Variants in NRCAM observed in about 807,000 individuals in gnomAD.
NRCAM encodes the protein NgCAM-related cell adhesion molecule.
Under a neutral mutation model 156.5 loss-of-function variants are expected in NRCAM, and 83 were observed. That is an observed-to-expected ratio of 0.53 (90% CI 0.44 to 0.64). NRCAM has a LOEUF of 0.64. Among genes scored for constraint, NRCAM ranks in the 30% least tolerant of loss-of-function variants. The pLI is 0.00. For missense variants in NRCAM, 1,417 were observed against 1,597.3 expected (o/e 0.89, Z 1.92); for synonymous variants, 538 against 563.9 (o/e 0.95, Z 0.65).
Position 108,372,498 on chromosome 7 carries a change from C to A in NRCAM, c.-174+26938G>T, listed in dbSNP as rs926027171. Among the ~76,000 whole-genome samples, 4 of 152,048 alleles carry A rather than the reference C, an allele frequency of 2.6e-5. No individual in the cohort carries two copies. The South Asian group carries it at 8.3e-4, about 32-fold the overall frequency. On this transcript the variant is annotated intron_variant, in intron 2 of 32. Coordinates refer to ENST00000379028, the MANE Select transcript of NRCAM (RefSeq NM_001037132.4). Reference sequence around the variant, plus strand: ...CATCCAAAATAAAGAACTCCTATAACTCAATAGTTTTAAACAAATCTGATT... The same window carrying A: ...CATCCAAAATAAAGAACTCCTATAAATCAATAGTTTTAAACAAATCTGATT...
intron 3 of NRCAM, among the ~76,000 whole-genome samples, chr7:108,293,867 A>C (rs904159460): frequency 1.4e-4 from 21 of 152,182 alleles, no homozygotes; most frequent in Admixed American, 1.3e-3. Context: ...CAGGTCTTCT[A>C]ATTTTAAACT....
rs753561632 is a variant in NRCAM, at chr7:108,294,842, GCCCCGC to G, written c.-107+17817_-107+17822del. ...TGGACATGCTTAGTTTATACTTCCT[GCCCCGC>G]AGCCATCTCTGGTGCCAAGTTGTCT... is the stretch of plus-strand genomic sequence containing the variant. On this transcript the variant is annotated intron_variant, in intron 3 of 32. Coordinates refer to ENST00000379028, the MANE Select transcript of NRCAM (RefSeq NM_001037132.4). Among the ~76,000 whole-genome samples the G allele has an allele frequency of 4.7e-3, 709 of 152,244 alleles. 4 individuals are homozygous for G. The highest frequency in any genetic ancestry group is 7.8e-3 in the Non-Finnish European group (531 of 68,024).
At chr7:108,258,682 A>G (rs1029587623) in intron 3 of NRCAM, among the ~76,000 whole-genome samples, 3 of 152,186 alleles carry the variant, frequency 2.0e-5, no homozygotes, top group African/African-American at 7.2e-5. Flanking sequence ...AACGGGGCTA[A>G]TTTACCTACC....
intron 3 of NRCAM, among the ~76,000 whole-genome samples, chr7:108,268,015 A>AAACACTGAAGCTTATATTTAGCC (rs6150282): frequency 0.84 from 127,359 of 152,060 alleles, 53,433 homozygotes; most frequent in East Asian, 0.99. Flanking sequence ...CAGGATTTTT[A>AAACACTGAAGCTTATATTTAGCC]ATTTTCTCAT....
At chr7:108,448,658 C>A (rs1288298457) in intron 1 of NRCAM, among the ~76,000 whole-genome samples, 1 of 152,128 alleles carries the variant, frequency 6.6e-6, no homozygotes, top group Non-Finnish European at 1.5e-5. Flanking sequence ...TAGTGATGCA[C>A]ACACTAGAAA....
At chr7:108,424,002 T>A (rs1379201987) in intron 1 of NRCAM, among the ~76,000 whole-genome samples, 1 of 152,210 alleles carries the variant, frequency 6.6e-6, no homozygotes, top group Non-Finnish European at 1.5e-5. Context: ...CATGTGCTTC[T>A]CCCTCTCTTC....
At chr7:108,314,943 T>G (rs904779890) in intron 2 of NRCAM, among the ~76,000 whole-genome samples, 6 of 152,166 alleles carry the variant, frequency 3.9e-5, no homozygotes, top group Admixed American at 3.9e-4. Context: ...TTCTAAAAAC[T>G]GGCCTCCTTA....
intron 3 of NRCAM, among the ~76,000 whole-genome samples, chr7:108,287,445 C>G (rs1399604812): frequency 6.6e-6 from 1 of 151,766 alleles, no homozygotes; most frequent in African/African-American, 2.4e-5. Context: ...AAAGGCAAAA[C>G]TGATCCAGAA....
At chr7:108,368,224 A>ACCCCCCCCCCCCCCCCCCCCCCCCCCCC (rs67897117) in intron 2 of NRCAM, among the ~76,000 whole-genome samples, 16 of 91,050 alleles carry the variant, frequency 1.8e-4, no homozygotes, top group South Asian at 5.5e-4. Flanking sequence ...ACACTTTCAT[A>ACCCCCCCCCCCCCCCCCCCCCCCCCCCC]CCCCCCCCCA....
chr7:108,406,979 G>A (rs1340849744), intron 1 of NRCAM, among the ~76,000 whole-genome samples: 1 of 152,058 alleles, frequency 6.6e-6, no homozygotes. Context: ...TGCAGCTGAT[G>A]TTTAATAATA....
At chr7:108,370,980 T>C (rs1427431824) in intron 2 of NRCAM, among the ~76,000 whole-genome samples, 1 of 152,188 alleles carries the variant, frequency 6.6e-6, no homozygotes, top group Admixed American at 6.6e-5. Context: ...CTGGATTTCT[T>C]CTTTAAAACA....
At chr7:108,342,836 T>C (rs1370384498) in intron 2 of NRCAM, among the ~76,000 whole-genome samples, 5 of 152,194 alleles carry the variant, frequency 3.3e-5, no homozygotes, top group African/African-American at 9.7e-5. Context: ...TCTCATGATG[T>C]GAATGGCATA....
rs533388841 is a variant in NRCAM, at chr7:108,214,075, T to C, written c.891-4470A>G. On this transcript the variant is annotated intron_variant, in intron 11 of 32. Coordinates refer to ENST00000379028, the MANE Select transcript of NRCAM (RefSeq NM_001037132.4). Reference sequence around the variant, plus strand: ...AAATTTTCTACTTTCGTTGTGTCTCTGCCAGGTTTTGGTATCAGGATGATG... The same window carrying C: ...AAATTTTCTACTTTCGTTGTGTCTCCGCCAGGTTTTGGTATCAGGATGATG... 2.0e-5 allele frequency among the ~76,000 whole-genome samples: 3 copies of C among 152,364 alleles called. No individual in the cohort carries two copies. In the South Asian group the frequency reaches 6.2e-4, roughly 32 times the overall value.
At chr7:108,389,456 C>A (rs969299781) in intron 2 of NRCAM, among the ~76,000 whole-genome samples, 62 of 152,170 alleles carry the variant, frequency 4.1e-4, no homozygotes, top group Admixed American at 2.0e-4. Context: ...AGATTTGGGG[C>A]TCAGATGATG....
intron 15 of NRCAM, among the ~76,000 whole-genome samples, 186 bp downstream of exon 15, chr7:108,195,575 C>T (rs1484096061): frequency 1.3e-5 from 2 of 151,974 alleles, no homozygotes; most frequent in African/African-American, 4.8e-5. Flanking sequence ...GTGATTGTGC[C>T]ACTGCACTCC....
intron 1 of NRCAM, among the ~76,000 whole-genome samples, chr7:108,436,331 T>C (rs974627445): frequency 6.6e-6 from 1 of 152,140 alleles, no homozygotes; most frequent in African/African-American, 2.4e-5. Flanking sequence ...CAAACAAATG[T>C]GACATAAATG....
In NRCAM at chr7:108,403,474, GTAAA is replaced by G. The variant is rs2099798736; in HGVS notation, c.-331-3885_-331-3882del. ...TAAAAATTTGAAAATCAAATTGTTA[GTAAA>G]TAAATTTATTTTAGTGTATGTCATT... On this transcript the variant is annotated intron_variant, in intron 1 of 32. Coordinates refer to ENST00000379028, the MANE Select transcript of NRCAM (RefSeq NM_001037132.4). Among the ~76,000 whole-genome samples the G allele has an allele frequency of 2.0e-5, 3 of 152,248 alleles. No homozygotes were observed. The South Asian group carries it at 6.2e-4, about 32-fold the overall frequency.
intron 1 of NRCAM, among the ~76,000 whole-genome samples, chr7:108,428,143 A>G (rs1819789636): frequency 6.6e-6 from 1 of 152,232 alleles, no homozygotes; most frequent in South Asian, 2.1e-4. Context: ...ATAAAAATCT[A>G]GAAATATCTT....
At chr7:108,225,533 A>G (rs938516712) in intron 10 of NRCAM, 112 bp downstream of exon 10, 2 of 763,762 alleles carry the variant, frequency 2.6e-6, no homozygotes, top group East Asian at 4.9e-5. Context: ...GGTATTTAAC[A>G]TATAACTAGA....
Sources: gnomAD v4.1 joint callset for allele counts (sites outside exome capture counted in the v4.1 genomes callset) on GRCh38, gnomAD v4.1.1 for gene constraint, MANE v1.5 for transcripts, NCBI Gene and HGNC (gene_info 2026-07-23, HGNC 2026-07-21) for gene names.